The following IGSF10 variants were observed in gnomAD, a reference collection of about 807,000 sequenced individuals.
The protein encoded by IGSF10 is immunoglobulin superfamily member 10.
IGSF10 carries 126 observed loss-of-function variants against 128.2 expected under a neutral mutation model. That is an observed-to-expected ratio of 0.98 (90% CI 0.85 to 1.14). The LOEUF (loss-of-function observed/expected upper bound fraction) is 1.14. IGSF10 is among the 50% of genes most tolerant of loss of function. IGSF10 has a pLI of 0.00. For synonymous variants in IGSF10, 1,185 were observed against 1,146.2 expected, an observed-to-expected ratio of 1.03 and a Z score of -0.68; for missense variants, 3,295 against 3,149.8, an observed-to-expected ratio of 1.05 and a Z score of -1.10.
chr3:151,599,082 G>A, the IGSF10 span, among the ~76,000 whole-genome samples: 87 of 152,224 alleles, frequency 5.7e-4, no homozygotes, highest in Non-Finnish European at 9.3e-4. Flanking sequence ...AAGCAGCCAG[G>A]CTTCTCAGAA....
At chr3:151,463,537 T>TG (rs1722153167), upstream of IGSF10, among the ~76,000 whole-genome samples, 3 of 101,708 alleles carry the variant, frequency 2.9e-5, no homozygotes, top group Non-Finnish European at 5.8e-5. Flanking sequence ...TTTTTTTTTT[T>TG]TTTTTTTTTT....
chr3:151,554,132 T>TCACA, the IGSF10 span, among the ~76,000 whole-genome samples: 2,665 of 147,414 alleles, frequency 0.018, 18 homozygotes, highest in South Asian at 0.028. Flanking sequence ...CAGAGTGAGA[T>TCACA]CACACACACA....
the IGSF10 span, among the ~76,000 whole-genome samples, chr3:151,483,437 A>T: frequency 1.3e-5 from 2 of 152,222 alleles, no homozygotes; most frequent in African/African-American, 4.8e-5. Context: ...AGATATACAA[A>T]CAAGAAAGAA....
At chr3:151,499,538 CT>C in the IGSF10 span, 1 of 152,072 alleles carries the variant, frequency 6.6e-6, no homozygotes, top group South Asian at 2.1e-4. Context: ...ACTTCAGTAT[CT>C]GTGGCACTCT....
At chr3:151,581,845 C>T in the IGSF10 span, among the ~76,000 whole-genome samples, 7 of 152,142 alleles carry the variant, frequency 4.6e-5, no homozygotes, top group South Asian at 4.2e-4. Flanking sequence ...CCGAGGTGGG[C>T]GGATCGCTTG....
At chr3:151,473,707 C>T in the IGSF10 span, among the ~76,000 whole-genome samples, 3 of 152,154 alleles carry the variant, frequency 2.0e-5, no homozygotes, top group Non-Finnish European at 1.5e-5. Flanking sequence ...CTGACCTCTG[C>T]TCAAATGTAA....
the IGSF10 span, among the ~76,000 whole-genome samples, chr3:151,563,635 C>T: frequency 6.6e-6 from 1 of 152,090 alleles, no homozygotes; most frequent in Admixed American, 6.6e-5. Context: ...GTAATATTCA[C>T]TTGGACATTT....
chr3:151,590,592 T>C, the IGSF10 span, among the ~76,000 whole-genome samples: 2 of 152,150 alleles, frequency 1.3e-5, no homozygotes, highest in East Asian at 1.9e-4. Flanking sequence ...AAATTTACCA[T>C]GGTTGCACAG....
chr3:151,564,485 T>C, the IGSF10 span, among the ~76,000 whole-genome samples: 30 of 152,218 alleles, frequency 2.0e-4, 1 homozygote, highest in Admixed American at 1.1e-3. Context: ...CATTTACAAA[T>C]TGGGAAATTG....
chr3:151,471,376 C>T, the IGSF10 span, among the ~76,000 whole-genome samples: 1,199 of 152,262 alleles, frequency 7.9e-3, 12 homozygotes, highest in South Asian at 7.9e-3. Context: ...TAAGACACTC[C>T]ACTGGATAAT....
At chr3:151,577,705 T>TC in the IGSF10 span, among the ~76,000 whole-genome samples, 2 of 152,150 alleles carry the variant, frequency 1.3e-5, no homozygotes, top group South Asian at 4.2e-4. Context: ...AACTCTTTCT[T>TC]TTTTTTTCCT....
At chr3:151,591,113 T>G in the IGSF10 span, among the ~76,000 whole-genome samples, 9 of 152,112 alleles carry the variant, frequency 5.9e-5, no homozygotes, top group Non-Finnish European at 2.9e-5. Flanking sequence ...GAAAACATGA[T>G]GCAAATGCAC....
chr3:151,548,776 C>T, the IGSF10 span, among the ~76,000 whole-genome samples: 1 of 151,658 alleles, frequency 6.6e-6, no homozygotes, highest in East Asian at 1.9e-4. Flanking sequence ...ATTTAGAGGC[C>T]AGACCTCTTG....
At position 151,460,261 on chromosome 3, in the gene IGSF10, C is replaced by T. The variant is rs1016714351; in HGVS notation, c.-2G>A. The T allele has an allele frequency of 1.2e-5, 11 of 941,016 alleles. No homozygotes were observed. The Admixed American group carries it at 5.6e-4, about 47-fold the overall frequency. 58.3% of individuals were successfully genotyped at this position (941,016 alleles called of 1,614,324 possible). ...ATAATGAAATAGGAATTGGCAATAC[C>T]TGAGCTCTTCTTTCAGGTCCTGAGT... On this transcript the variant is annotated splice_region_variant and 5_prime_UTR_variant, in exon 2 of 8. Coordinates refer to ENST00000282466, the MANE Select transcript of IGSF10 (RefSeq NM_178822.5).
At chr3:151,497,675 A>G in the IGSF10 span, among the ~76,000 whole-genome samples, 2 of 152,124 alleles carry the variant, frequency 1.3e-5, no homozygotes, top group Admixed American at 6.5e-5. Context: ...TTTTGGTTCC[A>G]TATGAACTTT....
chr3:151,497,154 T>C, the IGSF10 span, among the ~76,000 whole-genome samples: 2 of 152,212 alleles, frequency 1.3e-5, no homozygotes, highest in Non-Finnish European at 2.9e-5. Flanking sequence ...TAGTTTCTTT[T>C]GCTGTGCAGA....
chr3:151,435,616 T>TATA (rs1720067278), downstream of IGSF10: 1 of 62,192 alleles, frequency 1.6e-5, no homozygotes. Context: ...ATAAAGCTCC[T>TATA]ATAATTCTTA....
At chr3:151,492,201 A>G in the IGSF10 span, among the ~76,000 whole-genome samples, 5 of 152,210 alleles carry the variant, frequency 3.3e-5, no homozygotes, top group Non-Finnish European at 5.9e-5. Flanking sequence ...TGGGCAAAAT[A>G]CCTGAGCAGA....
chr3:151,544,940 T>C, the IGSF10 span, among the ~76,000 whole-genome samples: 1 of 152,168 alleles, frequency 6.6e-6, no homozygotes, highest in African/African-American at 2.4e-5. Flanking sequence ...TCTTAATTTT[T>C]AAATTTTCCA....
Sources: allele counts gnomAD v4.1 joint callset (sites outside exome capture counted in the v4.1 genomes callset), GRCh38; gene constraint gnomAD v4.1.1; transcripts MANE v1.5; gene names NCBI Gene and HGNC (gene_info 2026-07-23, HGNC 2026-07-21).